Variants in NHSL2 observed in about 807,000 individuals in gnomAD.
NHSL2 encodes the protein NHS like 2.
Under a neutral mutation model 53.4 loss-of-function variants are expected in NHSL2, and 27 were observed. The ratio of observed to expected loss-of-function variants is 0.51; its 90% CI spans 0.37 to 0.70. NHSL2 has a LOEUF of 0.70. Among genes scored for constraint, NHSL2 ranks in the 30% least tolerant of loss-of-function variants. The probability of loss-of-function intolerance (pLI) is 0.00; values close to 1 mark genes in which losing one functional copy is unlikely to be tolerated. For synonymous variants in NHSL2, 408 were observed against 404.1 expected, an observed-to-expected ratio of 1.01 and a Z score of -0.12; for missense variants, 892 against 980.1, an observed-to-expected ratio of 0.91 and a Z score of 1.20.
chrX:72,075,901 A>AGTGTGTGTGTGT (rs10637913), intron 1 of NHSL2, among the ~76,000 whole-genome samples: 1 of 93,395 alleles, frequency 1.1e-5, no homozygotes, highest in African/African-American at 3.9e-5. Flanking sequence ...GGGGGAGCAC[A>AGTGTGTGTGTGT]GTGTGTGTGT....
Position 72,090,503 on chromosome X carries a change from C to T in NHSL2, c.281-41576C>T, listed in dbSNP as rs1346861298. On this transcript the variant is annotated intron_variant, in intron 1 of 7. Transcript: ENST00000633930. ...GTTGTATAGTATTCCTTAGTAAGAA[C>T]GTACCACAATTTATTTAACCAATCC... is the stretch of plus-strand genomic sequence containing the variant. 6.2e-5 allele frequency among the ~76,000 whole-genome samples: 7 copies of T among 112,024 alleles called. No individual in the cohort carries two copies. The East Asian group carries it at 1.4e-3, about 22-fold the overall frequency.
intron 1 of NHSL2, among the ~76,000 whole-genome samples, chrX:71,940,728 G>A (rs1052929731): frequency 9.1e-6 from 1 of 109,937 alleles, no homozygotes; most frequent in African/African-American, 3.3e-5. Flanking sequence ...AATTGGGTGA[G>A]GGGGATGTGG....
At chrX:71,931,705 A>G (rs1417413673) in intron 1 of NHSL2, among the ~76,000 whole-genome samples, 3 of 112,725 alleles carry the variant, frequency 2.7e-5, no homozygotes, top group African/African-American at 9.7e-5. Context: ...TGGACTGTCA[A>G]TTCTATTACT....
intron 1 of NHSL2, among the ~76,000 whole-genome samples, chrX:72,109,147 C>T (rs989774344): frequency 3.6e-5 from 4 of 111,828 alleles, no homozygotes; most frequent in Non-Finnish European, 7.5e-5. Context: ...TGTGTCTGTC[C>T]TGTTCACTGT....
At chrX:71,990,364 A>G (rs866168858) in intron 1 of NHSL2, among the ~76,000 whole-genome samples, 1 of 111,037 alleles carries the variant, frequency 9.0e-6, no homozygotes, top group African/African-American at 3.3e-5. Context: ...ACAGAAAAAC[A>G]TTTGGACGTT....
rs191369199 is a variant in NHSL2, at chrX:72,053,148, C to T, written c.281-78931C>T. ...CCAGAATTGAATGTGAGCCTTGCCT[C>T]GTTAGGATTTGAGTGCAGCAAACCA... On this transcript the variant is annotated intron_variant, in intron 1 of 7. Transcript: ENST00000633930. Among the ~76,000 whole-genome samples, 489 of 112,208 alleles carry T rather than the reference C, an allele frequency of 4.4e-3. 2 individuals are homozygous for T. The highest frequency in any genetic ancestry group is 0.028 in the Middle Eastern group (6 of 217).
chrX:72,056,788 C>T, intron 1 of NHSL2, among the ~76,000 whole-genome samples: 1 of 112,916 alleles, frequency 8.9e-6, no homozygotes, highest in Non-Finnish European at 1.9e-5. Flanking sequence ...CCCTCAATCT[C>T]CAGCTGAGCC....
In NHSL2 at chrX:72,140,549, C is replaced by T. The variant is rs1172291043; in HGVS notation, c.3001C>T (p.Pro1001Ser). 2 of 1,209,415 alleles carry T rather than the reference C, an allele frequency of 1.7e-6. No homozygotes were observed. The highest frequency in any genetic ancestry group is 2.2e-6 in the Non-Finnish European group (2 of 894,669). ...AGCTGAGAAAAAGAAAGGCAAGATTCCACCTCCCGTACCAAAAAAACCCAG... is the reference window on the plus strand; with the variant it reads ...AGCTGAGAAAAAGAAAGGCAAGATTTCACCTCCCGTACCAAAAAAACCCAG... ...EEAEKKKGKI[P>S]PPVPKKPSVL... Residue 1001 changes from proline to serine, a missense_variant, in exon 6 of 8, where the codon CCA becomes TCA. Coordinates refer to ENST00000633930, the MANE Select transcript of NHSL2 (RefSeq NM_001013627.3).
At chrX:71,948,287 C>T (rs756304915) in intron 1 of NHSL2, among the ~76,000 whole-genome samples, 3 of 111,021 alleles carry the variant, frequency 2.7e-5, no homozygotes, top group African/African-American at 9.8e-5. Flanking sequence ...TGGCTTTGGG[C>T]AAGCTATTTC....
At chrX:72,131,158 G>A in intron 1 of NHSL2, 1 of 1,183,583 alleles carries the variant, frequency 8.4e-7, no homozygotes, top group South Asian at 1.8e-5. Flanking sequence ...CAGCGCCGGC[G>A]GGGGCGGGAT....
intron 1 of NHSL2, among the ~76,000 whole-genome samples, chrX:72,038,327 A>G (rs925740397): frequency 1.8e-5 from 2 of 112,550 alleles, no homozygotes; most frequent in African/African-American, 3.2e-5. Flanking sequence ...CCACATTTTC[A>G]AAATTACAAA....
intron 1 of NHSL2, among the ~76,000 whole-genome samples, chrX:72,059,111 C>A (rs183561306): frequency 2.8e-3 from 307 of 111,192 alleles, no homozygotes; most frequent in Non-Finnish European, 5.0e-3. Context: ...CCCAGGCAAG[C>A]TCTCTCCTCC....
chrX:72,121,696 C>T (rs2042182761), intron 1 of NHSL2, among the ~76,000 whole-genome samples: 1 of 112,027 alleles, frequency 8.9e-6, no homozygotes, highest in Admixed American at 9.4e-5. Flanking sequence ...TCTCTGACAC[C>T]CTAGGGCAGG....
At chrX:72,068,691 AGAGAGAGAGC>A (rs2042446903) in intron 1 of NHSL2, among the ~76,000 whole-genome samples, 1 of 54,928 alleles carries the variant, frequency 1.8e-5, no homozygotes, top group East Asian at 5.2e-4. Flanking sequence ...AGAGAGAGAG[AGAGAGAGAGC>A]GCATGTATTT....
intron 1 of NHSL2, among the ~76,000 whole-genome samples, chrX:72,075,969 T>G (rs2041739056): frequency 9.1e-6 from 1 of 109,545 alleles, no homozygotes; most frequent in African/African-American, 3.3e-5. Context: ...GTTTCACTCT[T>G]GTCACCCAGG....
chrX:72,048,275 A>G (rs1457731420), intron 1 of NHSL2, among the ~76,000 whole-genome samples: 1 of 110,752 alleles, frequency 9.0e-6, no homozygotes, highest in East Asian at 2.8e-4. Flanking sequence ...CCGAGGAGGC[A>G]TGGAGAGATT....
At chrX:71,976,461 C>T (rs770142317) in intron 1 of NHSL2, among the ~76,000 whole-genome samples, 1 of 111,906 alleles carries the variant, frequency 8.9e-6, no homozygotes, top group African/African-American at 3.2e-5. Flanking sequence ...TCCCCTGTTG[C>T]AAAGACCTCC....
chrX:71,941,370 G>A (rs1164618586), intron 1 of NHSL2, among the ~76,000 whole-genome samples: 1 of 111,455 alleles, frequency 9.0e-6, no homozygotes, highest in Non-Finnish European at 1.9e-5. Flanking sequence ...CCTGAGTCAG[G>A]GATCTATGTC....
At chrX:71,980,558 GGGGTGTGTGGGGTGTGT>G (rs2041971579) in intron 1 of NHSL2, among the ~76,000 whole-genome samples, 1 of 1,957 alleles carries the variant, frequency 5.1e-4, no homozygotes, top group Admixed American at 9.5e-3. Context: ...GTGTGTGTGT[GGGGTGTGTGGGGTGTGT>G]GTGTGTGTGT....
Sources: allele counts gnomAD v4.1 joint callset (sites outside exome capture counted in the v4.1 genomes callset), GRCh38; gene constraint gnomAD v4.1.1; transcripts MANE v1.5; gene names NCBI Gene and HGNC (gene_info 2026-07-23, HGNC 2026-07-21).